CD82: variants seen among roughly 807,000 people sequenced by gnomAD.
The protein encoded by CD82 is CD82 antigen.
In CD82, 36 loss-of-function variants were observed where a neutral mutation model predicts 37.4. That is an observed-to-expected ratio of 0.96 (90% CI 0.74 to 1.27). The LOEUF (loss-of-function observed/expected upper bound fraction) is 1.27, where lower values mean the gene tolerates loss of function less well. Among genes scored for constraint, CD82 ranks in the 50% most tolerant of loss-of-function variants. CD82 has a pLI of 0.00. For synonymous variants in CD82, 158 were observed against 137.4 expected, an observed-to-expected ratio of 1.15 and a Z score of -1.05; for missense variants, 340 against 347.0, an observed-to-expected ratio of 0.98 and a Z score of 0.16.
intron 7 of CD82, among the ~76,000 whole-genome samples, chr11:44,616,998 T>C (rs2134695459): frequency 6.6e-6 from 1 of 152,260 alleles, no homozygotes; most frequent in East Asian, 1.9e-4. Context: ...CCTGTAAACC[T>C]GGATTAGAAA....
intron 3 of CD82, among the ~76,000 whole-genome samples, chr11:44,598,287 C>T (rs891268265): frequency 3.3e-5 from 5 of 151,862 alleles, no homozygotes; most frequent in African/African-American, 1.2e-4. Context: ...AGAGAGGCAA[C>T]CCCCTACTGA....
At chr11:44,593,223 T>C (rs1014559361) in intron 2 of CD82, among the ~76,000 whole-genome samples, 7 of 152,326 alleles carry the variant, frequency 4.6e-5, no homozygotes, top group South Asian at 2.1e-4. Context: ...AATTGAAGAC[T>C]TTCAAGTGGT....
intron 6 of CD82, among the ~76,000 whole-genome samples, chr11:44,613,112 T>G (rs1853509947): frequency 6.6e-6 from 1 of 152,220 alleles, no homozygotes; most frequent in Non-Finnish European, 1.5e-5. Flanking sequence ...TGGAAGTACC[T>G]GTCTCATTTC....
upstream of CD82, among the ~76,000 whole-genome samples, chr11:44,564,680 C>T (rs1324263805): frequency 1.3e-5 from 2 of 152,194 alleles, no homozygotes; most frequent in Admixed American, 6.5e-5. Flanking sequence ...CCACTATTCT[C>T]ATCAACCCAC....
At chr11:44,587,966 A>C in intron 2 of CD82, 1 of 226,102 alleles carries the variant, frequency 4.4e-6, no homozygotes, top group Non-Finnish European at 9.2e-6. Flanking sequence ...CCACCTACCT[A>C]CCCCTCCATC....
chr11:44,582,957 A>G (rs1357223018), intron 1 of CD82, among the ~76,000 whole-genome samples: 2 of 152,264 alleles, frequency 1.3e-5, no homozygotes, highest in East Asian at 1.9e-4. Context: ...GCCCTACCCA[A>G]TCCCCTCCCT....
chr11:44,619,070 A>G lies in CD82; in HGVS notation c.748A>G (p.Ile250Val), dbSNP rs778967682. 6.8e-6 allele frequency: 11 copies of G among 1,612,842 alleles called. No homozygotes were observed. Among genetic ancestry groups the G allele is most frequent in the African/African-American group, 1.3e-5 (1 of 74,504 alleles). ...ACAGCTCCTGGGGATGGTCCTGTCC[A>G]TCTGCTTGTGCCGGCACGTCCATTC... ...IIELLGMVLS[I>V]CLCRHVHSED... Residue 250 changes from isoleucine (I) to valine (V), a missense_variant, in exon 10 of 10, where the codon ATC becomes GTC. By Grantham distance (29) the Ile-to-Val change is conservative. Coordinates refer to ENST00000227155, the MANE Select transcript of CD82 (RefSeq NM_002231.4).
At chr11:44,588,068 C>T (rs778814619) in intron 2 of CD82, among the ~76,000 whole-genome samples, 3 of 152,204 alleles carry the variant, frequency 2.0e-5, no homozygotes, top group Non-Finnish European at 2.9e-5. Context: ...GTATCACAGT[C>T]CTCAGGGGAA....
At chr11:44,593,999 AC>A (rs1853183613) in intron 2 of CD82, among the ~76,000 whole-genome samples, 1 of 804 alleles carries the variant, frequency 1.2e-3, no homozygotes, top group African/African-American at 5.9e-3. Flanking sequence ...TGTTATACAC[AC>A]ACACACACAC....
At chr11:44,581,266 G>C (rs1429510424) in intron 1 of CD82, among the ~76,000 whole-genome samples, 1 of 152,176 alleles carries the variant, frequency 6.6e-6, no homozygotes, top group Non-Finnish European at 1.5e-5. Flanking sequence ...TCAGATGTTG[G>C]GGTTCAACTC....
At position 44,619,051 on chromosome 11, in the gene CD82, C is replaced by G. The variant is rs1316612689; in HGVS notation, c.729C>G (p.Leu243=). The stretch of plus-strand genomic sequence containing the variant: ...TGACTCTCCGCCTCTCCCCACAGCT[C>G]CTGGGGATGGTCCTGTCCATCTGCT... The part of the protein sequence containing the change: ...GVGVGVAIIE[L]LGMVLSICLC... Residue 243 remains leucine, a splice_region_variant and synonymous_variant, in exon 10 of 10, where the codon CTC becomes CTG. Coordinates refer to ENST00000227155, the MANE Select transcript of CD82 (RefSeq NM_002231.4). The G allele has an allele frequency of 1.9e-6, 3 of 1,612,036 alleles. No homozygotes were observed. The highest frequency in any genetic ancestry group is 2.5e-6 in the Non-Finnish European group (3 of 1,179,312).
chr11:44,614,108 G>T (rs1224049078), intron 6 of CD82, among the ~76,000 whole-genome samples: 1 of 152,130 alleles, frequency 6.6e-6, no homozygotes, highest in Non-Finnish European at 1.5e-5. Flanking sequence ...CATCTCCTGG[G>T]TTCAAGCAAT....
chr11:44,587,924 C>T (rs1455063876), intron 2 of CD82: 5 of 257,970 alleles, frequency 1.9e-5, no homozygotes, highest in African/African-American at 1.1e-4. Flanking sequence ...TTCTTTGTGG[C>T]AGTCCCTCCA....
At chr11:44,618,785 C>A in intron 9 of CD82, 62 bp downstream of exon 9, 1 of 1,433,668 alleles carries the variant, frequency 7.0e-7, no homozygotes, top group Non-Finnish European at 9.7e-7. Flanking sequence ...CTCTGTTCTG[C>A]TGATCTCCTT....
rs141824238 is a variant in CD82 at position 44,597,513 on chromosome 11, C to G, written c.64-2645C>G. ...CCGTGGCTAATCCAGCCACATCTGA[C>G]CATCAGGCTGGGGTCATCAGACCTA... On this transcript the variant is annotated intron_variant, in intron 3 of 9. Coordinates refer to ENST00000227155, the MANE Select transcript of CD82 (RefSeq NM_002231.4). This position sits in a 1 kb window ranked among gnomAD's most constrained non-coding sequence, Gnocchi z 4.1. Among the ~76,000 whole-genome samples, 1 of 152,390 alleles carries G rather than the reference C, an allele frequency of 6.6e-6. No homozygotes were observed. The highest frequency in any genetic ancestry group is 1.9e-4 in the East Asian group (1 of 5,194).
At chr11:44,594,749 G>A in intron 3 of CD82, 24 bp downstream of exon 3, 1 of 1,589,282 alleles carries the variant, frequency 6.3e-7, no homozygotes, top group Non-Finnish European at 8.6e-7. Context: ...ATGCCGTCCT[G>A]ACCACCTCCG....
chr11:44,570,050 C>A (rs1469400727), intron 1 of CD82, among the ~76,000 whole-genome samples: 1 of 152,222 alleles, frequency 6.6e-6, no homozygotes, highest in Non-Finnish European at 1.5e-5. Flanking sequence ...CCTTCTCAGG[C>A]CCCCAGGGAC....
intron 6 of CD82, among the ~76,000 whole-genome samples, chr11:44,614,715 A>G (rs1052682465): frequency 1.3e-5 from 2 of 152,124 alleles, no homozygotes; most frequent in African/African-American, 4.8e-5. Context: ...TATTTTGTAG[A>G]GTGGTCTGGT....
chr11:44,568,782 C>A (rs1219174960), intron 1 of CD82, among the ~76,000 whole-genome samples: 2 of 152,320 alleles, frequency 1.3e-5, no homozygotes, highest in South Asian at 2.1e-4. Context: ...ACCGGCCATC[C>A]CCTTCCACCC....
Sources: gnomAD v4.1 joint callset for allele counts (sites outside exome capture counted in the v4.1 genomes callset) on GRCh38, gnomAD v4.1.1 for gene constraint, Gnocchi (gnomAD v3.1) non-coding constraint, MANE v1.5 for transcripts, NCBI Gene and HGNC (gene_info 2026-07-23, HGNC 2026-07-21) for gene names.